Variants in CALN1 observed in about 807,000 individuals in gnomAD.
CALN1 encodes calneuron 1, also known as calcium-binding protein 8.
In CALN1, 17 loss-of-function variants were observed where a neutral mutation model predicts 30.6. The observed-to-expected ratio is 0.56, with a 90% CI of 0.38 to 0.83. The LOEUF (loss-of-function observed/expected upper bound fraction) is 0.83. Among genes scored for constraint, CALN1 ranks in the 40% least tolerant of loss-of-function variants. The pLI is 0.00. For synonymous variants in CALN1, 156 were observed against 131.4 expected (o/e 1.19, Z -1.28); for missense variants, 291 against 354.9 (o/e 0.82, Z 1.45).
At chr7:72,345,426 A>C (rs954249808) in intron 2 of CALN1, among the ~76,000 whole-genome samples, 5 of 150,894 alleles carry the variant, frequency 3.3e-5, no homozygotes, top group Non-Finnish European at 3.0e-5. Flanking sequence ...AAAGGAAAGA[A>C]AGGAAGGAGG....
intron 2 of CALN1, among the ~76,000 whole-genome samples, chr7:72,299,689 CTTTTTTTTTT>C: frequency 8.3e-6 from 1 of 119,842 alleles, no homozygotes; most frequent in East Asian, 2.4e-4. Flanking sequence ...ATGCTCTTAT[CTTTTTTTTTT>C]TTTTTTTTTT....
At chr7:71,874,359 G>C (rs1231134487) in intron 5 of CALN1, among the ~76,000 whole-genome samples, 4 of 147,078 alleles carry the variant, frequency 2.7e-5, no homozygotes, top group East Asian at 2.0e-4. Flanking sequence ...CAAGTATTAA[G>C]ACCTAAGAGG....
chr7:72,332,365 G>A (rs946527676), intron 2 of CALN1, among the ~76,000 whole-genome samples: 1 of 151,948 alleles, frequency 6.6e-6, no homozygotes, highest in African/African-American at 2.4e-5. Context: ...TCAGTGCCAT[G>A]GAAAGGGGTG....
At chr7:72,031,141 C>T (rs535493881) in intron 4 of CALN1, among the ~76,000 whole-genome samples, 1 of 152,254 alleles carries the variant, frequency 6.6e-6, no homozygotes, top group South Asian at 2.1e-4. Context: ...TCTGCCTGTG[C>T]TTTTTGTGAC....
At chr7:72,285,799 A>G (rs183554672) in intron 2 of CALN1, among the ~76,000 whole-genome samples, 40 of 152,326 alleles carry the variant, frequency 2.6e-4, no homozygotes, top group Non-Finnish European at 1.9e-4. Flanking sequence ...AAGCTGAAAG[A>G]CTTCAATTGA....
At chr7:72,325,326 T>C (rs1432098139) in intron 2 of CALN1, among the ~76,000 whole-genome samples, 3 of 151,936 alleles carry the variant, frequency 2.0e-5, no homozygotes, top group South Asian at 4.2e-4. Flanking sequence ...GCTGTCCGGG[T>C]GCAGTGGCTC....
chr7:72,496,243 T>C, the CALN1 span, among the ~76,000 whole-genome samples: 1 of 152,172 alleles, frequency 6.6e-6, no homozygotes, highest in Non-Finnish European at 1.5e-5. Context: ...CTTACACCTT[T>C]TCCTTTTTGC....
intron 5 of CALN1, among the ~76,000 whole-genome samples, chr7:71,985,032 C>G (rs968081574): frequency 6.6e-6 from 1 of 152,128 alleles, no homozygotes; most frequent in African/African-American, 2.4e-5. Context: ...CTGCTTGCTA[C>G]TGCCCAGGAG....
At chr7:71,864,429 G>A (rs1791472287) in intron 5 of CALN1, among the ~76,000 whole-genome samples, 1 of 152,166 alleles carries the variant, frequency 6.6e-6, no homozygotes, top group Non-Finnish European at 1.5e-5. Context: ...GCCTGTAAGA[G>A]CTAAGAGTAG....
chr7:72,449,364 G>A (rs561009753), upstream of CALN1, among the ~76,000 whole-genome samples: 5 of 152,268 alleles, frequency 3.3e-5, no homozygotes, highest in South Asian at 8.3e-4. Flanking sequence ...GGAGCGGAAT[G>A]GCCACAATCT....
rs181058452 is a variant in CALN1 at position 71,971,655 on chromosome 7, T to G, written c.501+52002A>C. On this transcript the variant is annotated intron_variant, in intron 5 of 6. Coordinates refer to ENST00000395275, the MANE Select transcript of CALN1 (RefSeq NM_031468.4). Reference sequence around the variant, plus strand: ...GCTCACACCTGTAATCTCACCGTTTTGAGAGGCCAACGCAGGGGGATCACT... The same window carrying G: ...GCTCACACCTGTAATCTCACCGTTTGGAGAGGCCAACGCAGGGGGATCACT... Among the ~76,000 whole-genome samples the G allele has an allele frequency of 2.6e-5, 4 of 151,942 alleles. No homozygotes were observed. In the East Asian group the frequency reaches 7.8e-4, roughly 30 times the overall value.
chr7:72,032,782 G>C (rs895034939), intron 4 of CALN1, among the ~76,000 whole-genome samples: 11 of 152,066 alleles, frequency 7.2e-5, no homozygotes, highest in African/African-American at 2.2e-4. Context: ...CCCAGGGAGG[G>C]GATACAGGTC....
intron 2 of CALN1, among the ~76,000 whole-genome samples, chr7:72,326,832 GT>G (rs938979880): frequency 6.6e-6 from 1 of 152,100 alleles, no homozygotes; most frequent in African/African-American, 2.4e-5. Flanking sequence ...AATGAACTCT[GT>G]TTGACAGTGC....
intron 3 of CALN1, among the ~76,000 whole-genome samples, chr7:72,122,088 C>T (rs1385266214): frequency 6.6e-6 from 1 of 151,724 alleles, no homozygotes; most frequent in Non-Finnish European, 1.5e-5. Context: ...AAATGCCTGC[C>T]GAAGACAGAA....
rs372721427 is a variant in CALN1, at chr7:72,411,017, G to T, written c.-74+1041C>A. ...AATCCCAAAGAATTCATGAAAAAAC[G>T]ATTACAAATAATAGGTGAATTTAGT... On this transcript the variant is annotated intron_variant, in intron 1 of 6. Transcript: ENST00000395275. Among the ~76,000 whole-genome samples the T allele has an allele frequency of 1.2e-4, 18 of 152,196 alleles. No individual in the cohort carries two copies. In the East Asian group the frequency reaches 1.7e-3, roughly 15 times the overall value.
chr7:72,373,586 T>A (rs957917161), intron 2 of CALN1, among the ~76,000 whole-genome samples: 1 of 152,200 alleles, frequency 6.6e-6, no homozygotes, highest in Non-Finnish European at 1.5e-5. Flanking sequence ...TTCCCAACTA[T>A]AGGCTAATAT....
intron 3 of CALN1, among the ~76,000 whole-genome samples, chr7:72,276,146 C>T (rs1797318513): frequency 6.6e-6 from 1 of 152,194 alleles, no homozygotes; most frequent in Admixed American, 6.5e-5. Context: ...GATAGTGTTG[C>T]CCAGTTCTCA....
chr7:72,309,768 G>A (rs969841120), intron 2 of CALN1, among the ~76,000 whole-genome samples: 9 of 152,268 alleles, frequency 5.9e-5, no homozygotes, highest in African/African-American at 2.2e-4. Flanking sequence ...AGCCAAAGAG[G>A]TCCAAAAGCC....
chr7:72,090,072 C>G (rs1805749317), intron 4 of CALN1, among the ~76,000 whole-genome samples: 1 of 152,104 alleles, frequency 6.6e-6, no homozygotes, highest in African/African-American at 2.4e-5. Context: ...CCAAGGTGGG[C>G]AGATCGCTGG....
Sources: gnomAD v4.1 joint callset for allele counts (sites outside exome capture counted in the v4.1 genomes callset) on GRCh38, gnomAD v4.1.1 for gene constraint, MANE v1.5 for transcripts, NCBI Gene and HGNC (gene_info 2026-07-23, HGNC 2026-07-21) for gene names.